RFX7: variants seen among roughly 807,000 people sequenced by gnomAD.
RFX7 encodes DNA-binding protein RFX7.
In RFX7, 26 loss-of-function variants were observed where a neutral mutation model predicts 111.8. The observed-to-expected ratio is 0.23, with a 90% CI of 0.17 to 0.32. The LOEUF (loss-of-function observed/expected upper bound fraction) is 0.32. Ranked by LOEUF, RFX7 falls within the 10% of genes least tolerant of loss-of-function variation. RFX7 has a pLI of 1.00. For missense variants in RFX7, 1,573 were observed against 1,772.9 expected, an observed-to-expected ratio of 0.89 and a Z score of 2.02; for synonymous variants, 624 against 624.4, an observed-to-expected ratio of 1.00 and a Z score of 0.01.
intron 2 of RFX7, among the ~76,000 whole-genome samples, chr15:56,179,596 ACTTAC>A (rs747674020): frequency 2.6e-5 from 4 of 152,172 alleles, no homozygotes; most frequent in Non-Finnish European, 4.4e-5. Flanking sequence ...TTATTACTAT[ACTTAC>A]AAGTATGGCC....
intron 3 of RFX7, among the ~76,000 whole-genome samples, chr15:56,155,364 C>G (rs1477033370): frequency 6.6e-6 from 1 of 152,042 alleles, no homozygotes; most frequent in Non-Finnish European, 1.5e-5. Flanking sequence ...GGAACCAACC[C>G]AAATGTCTAT....
intron 5 of RFX7, among the ~76,000 whole-genome samples, chr15:56,120,494 C>A (rs1325715092): frequency 6.6e-6 from 1 of 152,062 alleles, no homozygotes; most frequent in Non-Finnish European, 1.5e-5. Context: ...TTTTTCTTGT[C>A]TGATTGCTCT....
At chr15:56,160,299 T>C (rs2042705050) in intron 3 of RFX7, among the ~76,000 whole-genome samples, 1 of 152,110 alleles carries the variant, frequency 6.6e-6, no homozygotes, top group African/African-American at 2.4e-5. Flanking sequence ...CAGGGTATCA[T>C]GTCCATAATT....
At chr15:56,165,536 T>G (rs75762953) in intron 3 of RFX7, among the ~76,000 whole-genome samples, 1 of 152,170 alleles carries the variant, frequency 6.6e-6, no homozygotes, top group Non-Finnish European at 1.5e-5. Flanking sequence ...TCAGTTCTCA[T>G]GAATAAACCC....
chr15:56,147,217 A>T (rs557602008), intron 3 of RFX7, among the ~76,000 whole-genome samples: 110 of 152,342 alleles, frequency 7.2e-4, no homozygotes, highest in African/African-American at 2.4e-3. Flanking sequence ...CAGAGAAAAG[A>T]CCAACTTCAT....
At chr15:56,195,473 A>C (rs1353592740) in intron 2 of RFX7, among the ~76,000 whole-genome samples, 5 of 152,184 alleles carry the variant, frequency 3.3e-5, no homozygotes, top group African/African-American at 1.2e-4. Flanking sequence ...ACTAGTGCCT[A>C]ATCAACAGAT....
rs111476327 is a variant in RFX7, at chr15:56,223,503, T to C, written c.161+19622A>G. On this transcript the variant is annotated intron_variant, in intron 2 of 9. Coordinates refer to ENST00000559447, the MANE Select transcript of RFX7 (RefSeq NM_022841.7). ...TGCCAAATAAAACCCAGTTGCTTCA[T>C]GTCTTTTATCCACTTTTACAGTTGA... 7.7e-3 allele frequency among the ~76,000 whole-genome samples: 1,168 copies of C among 152,282 alleles called. 14 individuals carry two copies. The highest frequency in any genetic ancestry group is 0.027 in the African/African-American group (1,134 of 41,560).
intron 2 of RFX7, among the ~76,000 whole-genome samples, chr15:56,221,979 T>C (rs2043431438): frequency 6.6e-6 from 1 of 152,200 alleles, no homozygotes; most frequent in Non-Finnish European, 1.5e-5. Context: ...ACCCCTTCAT[T>C]TGATCTGAGT....
At chr15:56,112,378 T>TCAAAAAAAAAAAAAAAAAAAAAAAAAA (rs2041950204) in intron 5 of RFX7, among the ~76,000 whole-genome samples, 1 of 3,822 alleles carries the variant, frequency 2.6e-4, no homozygotes, top group African/African-American at 8.5e-4. Context: ...AGAGTACAAA[T>TCAAAAAAAAAAAAAAAAAAAAAAAAAA]CAAAAAAAAA....
chr15:56,201,256 A>G (rs1445109927), intron 2 of RFX7, among the ~76,000 whole-genome samples: 1 of 152,200 alleles, frequency 6.6e-6, no homozygotes, highest in Non-Finnish European at 1.5e-5. Context: ...ATCTGGTCCA[A>G]AAAATAAAGT....
intron 5 of RFX7, among the ~76,000 whole-genome samples, chr15:56,125,885 G>A (rs2042138342): frequency 6.6e-6 from 1 of 151,972 alleles, no homozygotes; most frequent in Non-Finnish European, 1.5e-5. Context: ...CCCTGTATAA[G>A]TCCTCCTTCC....
At chr15:56,161,464 T>C (rs552246097) in intron 3 of RFX7, among the ~76,000 whole-genome samples, 1 of 152,114 alleles carries the variant, frequency 6.6e-6, no homozygotes, top group Admixed American at 6.6e-5. Context: ...ATGATTATAT[T>C]ACATTATAAA....
chr15:56,104,388 A>G (rs2041800991), intron 5 of RFX7, among the ~76,000 whole-genome samples: 1 of 152,234 alleles, frequency 6.6e-6, no homozygotes, highest in South Asian at 2.1e-4. Flanking sequence ...TCAGCAGCAG[A>G]CCAAGGCCAC....
intron 2 of RFX7, among the ~76,000 whole-genome samples, chr15:56,183,707 A>G (rs1478695141): frequency 6.6e-6 from 1 of 152,268 alleles, no homozygotes; most frequent in Admixed American, 6.5e-5. Flanking sequence ...TTGTTTTTCC[A>G]GGTGAATTTT....
chr15:56,126,882 C>G (rs190626784), intron 5 of RFX7, among the ~76,000 whole-genome samples: 8 of 151,752 alleles, frequency 5.3e-5, no homozygotes, highest in Admixed American at 5.2e-4. Context: ...AAGTAAAACA[C>G]ACAAAAAAGA....
chr15:56,214,454 G>A (rs938917205), intron 2 of RFX7, among the ~76,000 whole-genome samples: 1 of 152,074 alleles, frequency 6.6e-6, no homozygotes, highest in African/African-American at 2.4e-5. Flanking sequence ...GGTGGCTCAC[G>A]CCTGTAATCC....
chr15:56,191,408 C>T (rs1241377576), intron 2 of RFX7, among the ~76,000 whole-genome samples: 2 of 152,100 alleles, frequency 1.3e-5, no homozygotes, highest in East Asian at 3.8e-4. Flanking sequence ...TACCATTACT[C>T]CAACTAGTTA....
At chr15:56,236,153 A>G (rs2141240747) in intron 2 of RFX7, among the ~76,000 whole-genome samples, 1 of 152,348 alleles carries the variant, frequency 6.6e-6, no homozygotes, top group Non-Finnish European at 1.5e-5. Flanking sequence ...GGTTGTACAT[A>G]ATTAACCAAA....
At chr15:56,185,090 C>T (rs944506975) in intron 2 of RFX7, among the ~76,000 whole-genome samples, 57 of 152,248 alleles carry the variant, frequency 3.7e-4, no homozygotes, top group Non-Finnish European at 3.5e-4. Context: ...TTAATAAGCA[C>T]ACAAAAGAAA....
Sources: allele counts gnomAD v4.1 joint callset (sites outside exome capture counted in the v4.1 genomes callset), GRCh38; gene constraint gnomAD v4.1.1; transcripts MANE v1.5; gene names NCBI Gene and HGNC (gene_info 2026-07-23, HGNC 2026-07-21).